The following RGL1 variants were observed in gnomAD, a reference collection of about 807,000 sequenced individuals.
RGL1 encodes ral guanine nucleotide dissociation stimulator-like 1.
In RGL1, 24 loss-of-function variants were observed where a neutral mutation model predicts 95.2. The observed-to-expected ratio is 0.25, with a 90% CI of 0.18 to 0.35. The LOEUF is 0.35. Among genes scored for constraint, RGL1 ranks in the 10% least tolerant of loss-of-function variants. The pLI is 1.00. For synonymous variants in RGL1, 329 were observed against 344.9 expected (o/e 0.95, Z 0.51); for missense variants, 715 against 936.3 (o/e 0.76, Z 3.08).
intron 1 of RGL1, among the ~76,000 whole-genome samples, chr1:183,671,057 C>A (rs1448677487): frequency 1.3e-5 from 2 of 152,172 alleles, no homozygotes; most frequent in Admixed American, 1.3e-4. Context: ...ACCTTCTTCA[C>A]AAGGTGGCTG....
intron 1 of RGL1, among the ~76,000 whole-genome samples, chr1:183,805,971 C>CTTTTCTTTTTTTTTTTTTTTTTT (rs1661282214): frequency 1.3e-5 from 1 of 74,676 alleles, no homozygotes; most frequent in African/African-American, 5.1e-5. Context: ...CTTTTCTTTT[C>CTTTTCTTTTTTTTTTTTTTTTTT]TTTTTTTTTT....
chr1:183,791,037 TTC>T (rs1411776283), intron 2 of RGL1, among the ~76,000 whole-genome samples: 15 of 152,152 alleles, frequency 9.9e-5, no homozygotes, highest in Admixed American at 6.5e-5. Flanking sequence ...GCATTAGCTA[TTC>T]ACTCATCTAG....
At chr1:183,757,017 G>GTTTTTTT (rs1334256397) in intron 2 of RGL1, among the ~76,000 whole-genome samples, 7 of 80,802 alleles carry the variant, frequency 8.7e-5, no homozygotes, top group African/African-American at 1.1e-4. Context: ...TGGGTGGTTT[G>GTTTTTTT]TTTGTTTTTT....
In RGL1 at chr1:183,805,195, G is replaced by C. The variant is rs1045889431; in HGVS notation, c.-103G>C. On this transcript the variant is annotated 5_prime_UTR_variant, in exon 1 of 18. Coordinates refer to ENST00000360851, the MANE Select transcript of RGL1 (RefSeq NM_001297671.3). Reference sequence around the variant, plus strand: ...CTGTGCGCTGCGGTCGCTCGGGACCGGGACCGGGGCGAGGCGCCGCGGGGC... The same window carrying C: ...CTGTGCGCTGCGGTCGCTCGGGACCCGGACCGGGGCGAGGCGCCGCGGGGC... 1.6e-5 allele frequency: 24 copies of C among 1,503,932 alleles called. No homozygotes were observed. Among genetic ancestry groups the C allele is most frequent in the East Asian group, 2.6e-5 (1 of 38,364 alleles). 93.2% of individuals were successfully genotyped at this position (1,503,932 alleles called of 1,614,324 possible). A position where few individuals can be genotyped will look rare whatever the true frequency, so the allele number is the denominator to read the frequency against.
chr1:183,801,404 T>C (rs898498139), upstream of RGL1, among the ~76,000 whole-genome samples: 35 of 152,286 alleles, frequency 2.3e-4, no homozygotes, highest in African/African-American at 8.4e-4. Context: ...TAACCCCTTA[T>C]TAGATACATG....
At chr1:183,746,256 C>A (rs1426177632) in intron 2 of RGL1, among the ~76,000 whole-genome samples, 2 of 151,996 alleles carry the variant, frequency 1.3e-5, no homozygotes, top group Admixed American at 6.6e-5. Context: ...TTTAATCATC[C>A]TTTTGCTTTT....
intron 2 of RGL1, among the ~76,000 whole-genome samples, chr1:183,750,234 A>G (rs1047555556): frequency 1.6e-4 from 25 of 152,226 alleles, no homozygotes; most frequent in African/African-American, 5.8e-4. Flanking sequence ...ATAGTTCCAT[A>G]TTCTTTGGAG....
chr1:183,801,435 A>G (rs1660988757), upstream of RGL1, among the ~76,000 whole-genome samples: 1 of 151,974 alleles, frequency 6.6e-6, no homozygotes. Flanking sequence ...ATTTTCTCCC[A>G]TTCCATAGGT....
At chr1:183,871,474 C>G (rs1187360124) in intron 4 of RGL1, among the ~76,000 whole-genome samples, 1 of 152,098 alleles carries the variant, frequency 6.6e-6, no homozygotes, top group African/African-American at 2.4e-5. Flanking sequence ...TTTTGCAGAC[C>G]TGGGTGGAGG....
intron 3 of RGL1, among the ~76,000 whole-genome samples, chr1:183,856,861 G>A (rs1665186840): frequency 6.6e-6 from 1 of 152,022 alleles, no homozygotes; most frequent in Non-Finnish European, 1.5e-5. Context: ...TTTCATAAAA[G>A]GTCTCAGGCT....
upstream of RGL1, among the ~76,000 whole-genome samples, chr1:183,804,628 G>T (rs1054639328): frequency 2.0e-5 from 3 of 152,194 alleles, no homozygotes; most frequent in Non-Finnish European, 4.4e-5. Flanking sequence ...AGCCCAGCGC[G>T]ATTTCCTGTT....
At chr1:183,789,299 A>AG (rs1406543711) in intron 2 of RGL1, among the ~76,000 whole-genome samples, 1 of 151,944 alleles carries the variant, frequency 6.6e-6, no homozygotes, top group African/African-American at 2.4e-5. Context: ...CAAAAAAAAA[A>AG]GTTAGCTGGG....
rs139937686 is a variant in RGL1 at position 183,714,070 on chromosome 1, G to A, written c.-32-28056G>A. 9.2e-5 allele frequency among the ~76,000 whole-genome samples: 14 copies of A among 152,228 alleles called. No individual in the cohort carries two copies. The East Asian group carries it at 1.4e-3, about 15-fold the overall frequency. ...GAGAAATATGGAGCTTGTTTCCACC[G>A]CAGTGATTTTCTGTGAAATCACTAC... On this transcript the variant is annotated intron_variant, in intron 1 of 18. Transcript: ENST00000304685.
At chr1:183,704,688 T>A (rs1407834550) in intron 1 of RGL1, among the ~76,000 whole-genome samples, 1 of 152,192 alleles carries the variant, frequency 6.6e-6, no homozygotes, top group Non-Finnish European at 1.5e-5. Context: ...AGGAGCTGGT[T>A]AGCATGGTGA....
intron 1 of RGL1, among the ~76,000 whole-genome samples, chr1:183,679,995 G>T (rs999254408): frequency 4.0e-5 from 6 of 151,890 alleles, no homozygotes; most frequent in African/African-American, 9.7e-5. Flanking sequence ...TCATATGTTT[G>T]TTGGCCGCAT....
Position 183,883,903 on chromosome 1 carries a change from T to C in RGL1, c.728T>C (p.Met243Thr). Residue 243 changes from methionine to threonine, a missense_variant, in exon 6 of 18, where the codon ATG becomes ACG. Met to Thr is a moderately conservative substitution (Grantham distance 81). Coordinates refer to ENST00000360851, the MANE Select transcript of RGL1 (RefSeq NM_001297671.3). ...EDLVAEQLTY[M>T]DAQLFKKVVP... is the part of the protein sequence containing the mutation. ...CTCGTGGCAGAGCAGCTGACCTACA[T>C]GGATGCAGTATGTCTTCTCTTTGTG... 6.2e-7 allele frequency: 1 copy of C among 1,613,940 alleles called. No homozygotes were observed. The highest frequency in any genetic ancestry group is 8.5e-7 in the Non-Finnish European group (1 of 1,179,832).
At chr1:183,713,673 C>A (rs552643982) in intron 1 of RGL1, among the ~76,000 whole-genome samples, 2 of 152,028 alleles carry the variant, frequency 1.3e-5, no homozygotes, top group African/African-American at 4.8e-5. Context: ...GTCTGTGAAC[C>A]AGAAGATGGG....
chr1:183,797,437 C>T (rs1432555557), intron 2 of RGL1, among the ~76,000 whole-genome samples: 1 of 152,186 alleles, frequency 6.6e-6, no homozygotes, highest in Non-Finnish European at 1.5e-5. Context: ...GTGCTATTTG[C>T]TTGTTTCTTC....
chr1:183,829,396 A>G (rs2500120), intron 2 of RGL1, among the ~76,000 whole-genome samples: 122,473 of 151,408 alleles, frequency 0.81, 49,654 homozygotes, highest in Middle Eastern at 0.89. Flanking sequence ...AACCATGATC[A>G]TGCTACTGCA....
Sources: allele counts gnomAD v4.1 joint callset (sites outside exome capture counted in the v4.1 genomes callset), GRCh38; gene constraint gnomAD v4.1.1; transcripts MANE v1.5; gene names NCBI Gene and HGNC (gene_info 2026-07-23, HGNC 2026-07-21).